TNKS: variants seen among roughly 807,000 people sequenced by gnomAD.
The protein encoded by TNKS is poly [ADP-ribose] polymerase tankyrase-1.
TNKS carries 72 observed loss-of-function variants against 135.8 expected under a neutral mutation model. The ratio of observed to expected loss-of-function variants is 0.53; its 90% CI spans 0.44 to 0.64. TNKS has a LOEUF of 0.64. Among genes scored for constraint, TNKS ranks in the 30% least tolerant of loss-of-function variants. TNKS has a pLI of 0.00. For synonymous variants in TNKS, 849 were observed against 649.3 expected (o/e 1.31, Z -4.68); for missense variants, 1,769 against 1,674.0 (o/e 1.06, Z -0.99).
chr8:9,742,840 A>G (rs1585404715), intron 17 of TNKS, among the ~76,000 whole-genome samples: 2 of 151,208 alleles, frequency 1.3e-5, no homozygotes, highest in Non-Finnish European at 3.0e-5. Context: ...GGAGTAATAA[A>G]TACATACATT....
intron 2 of TNKS, among the ~76,000 whole-genome samples, chr8:9,587,912 G>A (rs1798450187): frequency 6.6e-6 from 1 of 152,172 alleles, no homozygotes. Context: ...GTAGTAGAAT[G>A]TTTTCAATAC....
rs998563387 is a variant in TNKS, at chr8:9,778,491, C to G, written c.*1755C>G. On this transcript the variant is annotated 3_prime_UTR_variant, in exon 27 of 27. Transcript: ENST00000310430. ...TCAACCCAGTGCTGGAACTAGGCAT[C>G]CAGACTAGTTTGAATGTTTGTAGCT... The G allele has an allele frequency of 5.2e-5, 8 of 152,692 alleles. No homozygotes were observed. In the Middle Eastern group the frequency reaches 0.014, roughly 260 times the overall value. 9.5% of individuals were successfully genotyped at this position (152,692 alleles called of 1,614,324 possible). A position where few individuals can be genotyped will look rare whatever the true frequency, so the allele number is the denominator to read the frequency against.
Position 9,781,049 on chromosome 8 carries a change from G to C in TNKS, c.*4313G>C, listed in dbSNP as rs1482961064. The C allele has an allele frequency of 6.6e-6, 1 of 152,186 alleles. No individual in the cohort carries two copies. The highest frequency in any genetic ancestry group is 2.4e-5 in the African/African-American group (1 of 41,420). 9.4% of individuals were successfully genotyped at this position (152,186 alleles called of 1,614,324 possible). A position where few individuals can be genotyped will look rare whatever the true frequency, so the allele number is the denominator to read the frequency against. ...ATGGTTATGCTAAAGTGAAAACCTAGAGGAAGCTAATGATTTTATATACTT... is the reference window on the plus strand; with the variant it reads ...ATGGTTATGCTAAAGTGAAAACCTACAGGAAGCTAATGATTTTATATACTT... On this transcript the variant is annotated 3_prime_UTR_variant, in exon 27 of 27. Coordinates refer to ENST00000310430, the MANE Select transcript of TNKS (RefSeq NM_003747.3).
At chr8:9,734,167 C>T (rs915544165) in intron 15 of TNKS, among the ~76,000 whole-genome samples, 12 of 152,150 alleles carry the variant, frequency 7.9e-5, no homozygotes, top group African/African-American at 2.9e-4. Context: ...TTTTTATTAT[C>T]ACTGGTTGGT....
intron 2 of TNKS, among the ~76,000 whole-genome samples, chr8:9,588,995 A>G (rs1310982197): frequency 6.6e-6 from 1 of 152,164 alleles, no homozygotes; most frequent in Non-Finnish European, 1.5e-5. Context: ...CATGGATATT[A>G]TTGTCATAGA....
intron 1 of TNKS, chr8:9,556,850 ACT>A (rs1815338545): frequency 3.5e-6 from 2 of 575,408 alleles, no homozygotes; most frequent in Non-Finnish European, 6.2e-6. Context: ...TCATTACAAA[ACT>A]CACTGTAGTT....
At chr8:9,559,905 C>T (rs1797258460) in intron 1 of TNKS, among the ~76,000 whole-genome samples, 1 of 152,092 alleles carries the variant, frequency 6.6e-6, no homozygotes, top group African/African-American at 2.4e-5. Flanking sequence ...ATCCTATCTG[C>T]AGTTAAGACA....
chr8:9,623,429 A>G (rs1799939422), intron 3 of TNKS, among the ~76,000 whole-genome samples: 1 of 46,460 alleles, frequency 2.2e-5, no homozygotes, highest in African/African-American at 6.9e-5. Flanking sequence ...ATAAAGTGAA[A>G]CACACTTTTT....
chr8:9,741,902 C>G (rs1395302802), intron 17 of TNKS: 2 of 232,062 alleles, frequency 8.6e-6, no homozygotes, highest in African/African-American at 4.5e-5. Context: ...CCATAACTCC[C>G]CTTCTCCTTT....
intron 5 of TNKS, among the ~76,000 whole-genome samples, chr8:9,702,893 G>T (rs1803875593): frequency 6.6e-6 from 1 of 151,892 alleles, no homozygotes; most frequent in African/African-American, 2.4e-5. Flanking sequence ...GTGCGCGCCT[G>T]TAATCCCAAA....
Position 9,720,543 on chromosome 8 carries a change from G to A in TNKS, c.1919G>A (p.Ser640Asn). ...AATGAAGCAGTGCAGCAGATTCTGA[G>A]TGGTGAGTTAAAATAGACCAACAGG... ...MGNEAVQQIL[S>N]ESTPIRTSDV... Residue 640 changes from serine (S) to asparagine (N), a missense_variant and splice_region_variant, in exon 12 of 27, where the codon AGT (serine) becomes AAT (asparagine). By Grantham distance (46) the Ser-to-Asn change is conservative. This residue lies in a region of TNKS where 523 missense variants were observed against 541.0 expected (regional missense o/e 0.97). Transcript: ENST00000310430. 6.2e-7 allele frequency: 1 copy of A among 1,611,080 alleles called. No homozygotes were observed. Among genetic ancestry groups the A allele is most frequent in the East Asian group, 2.2e-5 (1 of 44,688 alleles).
At chr8:9,763,279 T>C in intron 22 of TNKS, 35 bp downstream of exon 22, 4 of 1,429,124 alleles carry the variant, frequency 2.8e-6, no homozygotes, top group Non-Finnish European at 3.9e-6. Context: ...TTTGCTTTTC[T>C]TGAAATCTGT....
intron 2 of TNKS, among the ~76,000 whole-genome samples, chr8:9,585,297 G>T (rs181220110): frequency 1.5e-4 from 23 of 151,898 alleles, no homozygotes; most frequent in Non-Finnish European, 3.1e-4. Context: ...AAATAAATCT[G>T]GGAACATCAA....
chr8:9,609,290 CTGTT>C (rs1432917507), intron 2 of TNKS, among the ~76,000 whole-genome samples: 2 of 152,174 alleles, frequency 1.3e-5, no homozygotes, highest in African/African-American at 2.4e-5. Flanking sequence ...ATTTTACCAA[CTGTT>C]TATTTATAGG....
chr8:9,618,717 T>C (rs1281644934), intron 3 of TNKS, among the ~76,000 whole-genome samples: 4 of 152,168 alleles, frequency 2.6e-5, no homozygotes, highest in African/African-American at 9.7e-5. Context: ...GTAAAAGAAA[T>C]ACATTCATTT....
chr8:9,676,489 G>C (rs934780174), intron 3 of TNKS, among the ~76,000 whole-genome samples: 2 of 152,108 alleles, frequency 1.3e-5, no homozygotes, highest in Non-Finnish European at 1.5e-5. Flanking sequence ...ATTGAGATAA[G>C]TCAGTAATCA....
chr8:9,630,677 A>G (rs1051562973), intron 3 of TNKS, among the ~76,000 whole-genome samples: 1 of 152,232 alleles, frequency 6.6e-6, no homozygotes, highest in African/African-American at 2.4e-5. Context: ...TAGTACTCCA[A>G]TAATAGCCTT....
intron 26 of TNKS, among the ~76,000 whole-genome samples, chr8:9,771,346 A>G (rs867302516): frequency 1.2e-5 from 1 of 86,590 alleles, no homozygotes; most frequent in African/African-American, 4.1e-5. Context: ...GAGGAAGGGA[A>G]GCAGGGAGGG....
chr8:9,647,173 C>A (rs1436811115), intron 3 of TNKS, among the ~76,000 whole-genome samples: 13 of 152,178 alleles, frequency 8.5e-5, no homozygotes, highest in Non-Finnish European at 1.0e-4. Context: ...GAAACAGACA[C>A]ACACATGCAA....
Sources: gnomAD v4.1 joint callset for allele counts (sites outside exome capture counted in the v4.1 genomes callset) on GRCh38, gnomAD v4.1.1 for gene constraint, gnomAD v4.1.1 regional missense constraint, MANE v1.5 for transcripts, NCBI Gene and HGNC (gene_info 2026-07-23, HGNC 2026-07-21) for gene names.